Variants in IFT80 observed in about 807,000 individuals in gnomAD.
IFT80 encodes intraflagellar transport protein 80 homolog.
Under a neutral mutation model 107.9 loss-of-function variants are expected in IFT80, and 79 were observed. The observed-to-expected ratio is 0.73, with a 90% CI of 0.61 to 0.88. IFT80 has a LOEUF of 0.88. Among genes scored for constraint, IFT80 ranks in the 40% least tolerant of loss-of-function variants. The pLI is 0.00. For missense variants in IFT80, 797 were observed against 914.2 expected, an observed-to-expected ratio of 0.87 and a Z score of 1.65; for synonymous variants, 299 against 300.9, an observed-to-expected ratio of 0.99 and a Z score of 0.07.
At position 160,337,176 on chromosome 3, in the gene IFT80, A is replaced by C. The variant is rs116609126; in HGVS notation, c.778-17237T>G. On this transcript the variant is annotated intron_variant, in intron 8 of 19. Transcript: ENST00000326448. ...CCATTTTATCTTAGTTCTACAGATG[A>C]ATATAAAATGCTCACAATCAGTCCT... 2.4e-3 allele frequency among the ~76,000 whole-genome samples: 369 copies of C among 152,334 alleles called. 4 individuals carry two copies. Among genetic ancestry groups the C allele is most frequent in the African/African-American group, 8.5e-3 (354 of 41,580 alleles).
At position 160,312,072 on chromosome 3, in the gene IFT80, C is replaced by T. The variant is rs114591798; in HGVS notation, c.958-4291G>A. ...CTGGGATTACAGGCATGAGCTACAG[C>T]GCCCGGCCAGTAGTCAGCTGTTGTT... On this transcript the variant is annotated intron_variant, in intron 9 of 19. Transcript: ENST00000326448. Among the ~76,000 whole-genome samples the T allele has an allele frequency of 4.5e-3, 690 of 152,280 alleles. 4 individuals are homozygous for T. Among genetic ancestry groups the T allele is most frequent in the Middle Eastern group, 0.024 (7 of 294 alleles).
intron 11 of IFT80, among the ~76,000 whole-genome samples, chr3:160,301,259 G>A (rs1473726493): frequency 6.6e-6 from 1 of 151,788 alleles, no homozygotes; most frequent in Non-Finnish European, 1.5e-5. Context: ...TGATGAAGTA[G>A]GAGAAGAAAA....
intron 11 of IFT80, 103 bp from the exon 12 acceptor site, chr3:160,301,149 T>TAA (rs2108267501): frequency 1.8e-6 from 2 of 1,104,870 alleles, no homozygotes; most frequent in East Asian, 5.4e-5. Flanking sequence ...ATCTAAATCT[T>TAA]ACAATTAATG....
intron 3 of IFT80, among the ~76,000 whole-genome samples, chr3:160,380,036 CTT>C (rs11325261): frequency 8.6e-4 from 116 of 134,148 alleles, no homozygotes; most frequent in Middle Eastern, 3.8e-3. Flanking sequence ...GTCTTTTTTT[CTT>C]TTTTTTTTTT....
intron 8 of IFT80, among the ~76,000 whole-genome samples, chr3:160,346,200 G>A (rs1046777320): frequency 6.6e-6 from 1 of 152,108 alleles, no homozygotes; most frequent in African/African-American, 2.4e-5. Flanking sequence ...GCATAGCATG[G>A]TTAATAATAA....
chr3:160,377,607 T>C (rs1225334514), intron 3 of IFT80, 67 bp from the exon 4 acceptor site: 1 of 854,030 alleles, frequency 1.2e-6, no homozygotes, highest in Non-Finnish European at 2.0e-6. Flanking sequence ...ACTACTAGAC[T>C]AAGTAATAGG....
rs144738877 is a variant in IFT80, at chr3:160,356,032, C to T, written c.758G>A (p.Arg253His). Residue 253 changes from arginine (R) to histidine (H), a missense_variant, in exon 8 of 20, where the codon CGC becomes CAC. By Grantham distance (29) the Arg-to-His change is conservative. Coordinates refer to ENST00000326448, the MANE Select transcript of IFT80 (RefSeq NM_020800.3). The part of the protein sequence containing the change: ...LFAVGSFHTL[R>H]LCDKTGWSYA... ...ACTTACCCCAGTTTTATCACACAAG[C>T]GTAAAGTATGAAACGATCCAACAGC... 3.1e-4 allele frequency: 503 copies of T among 1,613,888 alleles called. 1 individual carries two copies. The highest frequency in any genetic ancestry group is 4.1e-4 in the Non-Finnish European group (478 of 1,179,956).
At chr3:160,356,363 A>T (rs1721089454) in intron 7 of IFT80, among the ~76,000 whole-genome samples, 1 of 152,210 alleles carries the variant, frequency 6.6e-6, no homozygotes, top group South Asian at 2.1e-4. Flanking sequence ...GGGAAAACAA[A>T]GCTGTATTCC....
chr3:160,272,414 A>G (rs187006823), intron 18 of IFT80, among the ~76,000 whole-genome samples: 1 of 152,314 alleles, frequency 6.6e-6, no homozygotes, highest in Admixed American at 6.5e-5. Context: ...AATAAATGGT[A>G]GGGTAAGGGT....
chr3:160,266,348 C>T (rs75038634), intron 19 of IFT80, among the ~76,000 whole-genome samples: 2 of 141,362 alleles, frequency 1.4e-5, no homozygotes, highest in African/African-American at 5.2e-5. Context: ...CTCCCCCCCC[C>T]TTCTTTCCTT....
intron 19 of IFT80, among the ~76,000 whole-genome samples, chr3:160,263,658 T>C (rs1326650540): frequency 6.6e-6 from 1 of 152,144 alleles, no homozygotes; most frequent in African/African-American, 2.4e-5. Context: ...GATTTTATTT[T>C]ATTATGTATT....
rs1553766638 is a variant in IFT80, at chr3:160,381,266, T to TATATA, written c.259+236_259+237insTATAT. 7.8e-4 allele frequency among the ~76,000 whole-genome samples: 55 copies of TATATA among 70,674 alleles called. 4 individuals carry two copies. Among genetic ancestry groups the TATATA allele is most frequent in the Middle Eastern group, 6.8e-3 (1 of 148 alleles). 46.4% of individuals were successfully genotyped at this position (70,674 alleles called of 152,430 possible). On this transcript the variant is annotated intron_variant, in intron 3 of 19. Transcript: ENST00000326448. ...TATATATATATATATATATATATAT[T>TATATA]AAAGCCAAAGACCCATATTCAATCC...
intron 8 of IFT80, among the ~76,000 whole-genome samples, chr3:160,330,810 T>A (rs1360221766): frequency 1.3e-5 from 2 of 152,172 alleles, no homozygotes; most frequent in African/African-American, 2.4e-5. Context: ...TGTACCACCA[T>A]CCACTTCTCC....
chr3:160,394,617 C>T (rs1218681869), intron 1 of IFT80, among the ~76,000 whole-genome samples: 2 of 151,978 alleles, frequency 1.3e-5, no homozygotes, highest in Non-Finnish European at 2.9e-5. Flanking sequence ...GGCGTGGTGG[C>T]GGGCGCCTAT....
intron 8 of IFT80, among the ~76,000 whole-genome samples, chr3:160,334,315 T>TACAA (rs1719301965): frequency 6.6e-6 from 1 of 152,214 alleles, no homozygotes; most frequent in Non-Finnish European, 1.5e-5. Flanking sequence ...ATGAGATATG[T>TACAA]TATTAGTTGA....
chr3:160,269,222 C>CAA (rs10539287), intron 18 of IFT80, among the ~76,000 whole-genome samples: 2 of 104,914 alleles, frequency 1.9e-5, no homozygotes, highest in Non-Finnish European at 4.2e-5. Context: ...GAGCGAGACT[C>CAA]AAAAAAAAAA....
intron 6 of IFT80, among the ~76,000 whole-genome samples, chr3:160,360,416 AG>A (rs1198544828): frequency 6.6e-6 from 1 of 152,238 alleles, no homozygotes; most frequent in Non-Finnish European, 1.5e-5. Context: ...AATGGAACGA[AG>A]TTGGAAAACA....
At chr3:160,277,750 C>T (rs988852446) in intron 16 of IFT80, 80 bp from the exon 17 acceptor site, 4 of 851,048 alleles carry the variant, frequency 4.7e-6, no homozygotes, top group Non-Finnish European at 1.9e-6. Flanking sequence ...AATACTCATA[C>T]TAAAATGATA....
intron 4 of IFT80, among the ~76,000 whole-genome samples, chr3:160,376,852 A>G (rs992274196): frequency 1.4e-4 from 22 of 152,202 alleles, no homozygotes; most frequent in Non-Finnish European, 2.9e-5. Context: ...CCATGTGAGT[A>G]AGACATCTTG....
Sources: allele counts gnomAD v4.1 joint callset (sites outside exome capture counted in the v4.1 genomes callset), GRCh38; gene constraint gnomAD v4.1.1; transcripts MANE v1.5; gene names NCBI Gene and HGNC (gene_info 2026-07-23, HGNC 2026-07-21).